PDYN: variants seen among roughly 807,000 people sequenced by gnomAD.
The protein encoded by PDYN is prodynorphin, also known as proenkephalin-B.
Under a neutral mutation model 11.4 loss-of-function variants are expected in PDYN, and 5 were observed. That is an observed-to-expected ratio of 0.44 (90% CI 0.23 to 0.92). The LOEUF is 0.92. Ranked by LOEUF, PDYN falls within the 40% of genes least tolerant of loss-of-function variation. PDYN has a pLI of 0.24. For missense variants in PDYN, 337 were observed against 317.3 expected (o/e 1.06, Z -0.47); for synonymous variants, 132 against 129.5 (o/e 1.02, Z -0.13).
chr20:1,989,270 C>T (rs1257499514), intron 2 of PDYN, among the ~76,000 whole-genome samples: 2 of 152,150 alleles, frequency 1.3e-5, no homozygotes, highest in African/African-American at 4.8e-5. Context: ...CAGCCCTGAG[C>T]CCTTTCTAGT....
At chr20:1,983,185 A>G in intron 2 of PDYN, 82 bp from the exon 3 acceptor site, 3 of 1,206,838 alleles carry the variant, frequency 2.5e-6, no homozygotes, top group Non-Finnish European at 3.5e-6. Context: ...AGTCATCTCT[A>G]ACTCCTGCCC....
At chr20:1,981,633 A>G (rs1987799926) in intron 3 of PDYN, among the ~76,000 whole-genome samples, 1 of 152,184 alleles carries the variant, frequency 6.6e-6, no homozygotes, top group Non-Finnish European at 1.5e-5. Context: ...TATGTATTAA[A>G]TAACTTCTTT....
chr20:1,983,617 C>T (rs1568540208), intron 2 of PDYN, among the ~76,000 whole-genome samples: 1 of 152,216 alleles, frequency 6.6e-6, no homozygotes, highest in Non-Finnish European at 1.5e-5. Context: ...GAATTTTTCT[C>T]TCCCACTCTG....
chr20:1,981,570 A>G (rs1202153736), intron 3 of PDYN, among the ~76,000 whole-genome samples: 2 of 152,114 alleles, frequency 1.3e-5, no homozygotes, highest in African/African-American at 4.8e-5. Context: ...GCTCTTTGAG[A>G]TTGGGCACGG....
intron 3 of PDYN, among the ~76,000 whole-genome samples, chr20:1,981,663 T>C (rs1987802768): frequency 6.6e-6 from 1 of 152,132 alleles, no homozygotes. Context: ...CAGTGGCTCA[T>C]GCCTGTAATC....
In PDYN at chr20:1,994,022, G is replaced by A. The variant is rs1988561482; in HGVS notation, c.-191C>T. The A allele has an allele frequency of 6.5e-6, 1 of 153,454 alleles. No individual in the cohort carries two copies. Among genetic ancestry groups the A allele is most frequent in the Non-Finnish European group, 1.5e-5 (1 of 68,234 alleles). The allele number at this position is 153,454 out of a possible 1,614,324, so 9.5% of individuals were successfully genotyped here. The stretch of plus-strand genomic sequence containing the variant: ...CTCCGGCTTGGGAGGAGGTGCCAAA[G>A]AGGCAGCTGTGAACACCACCAAAGC... On this transcript the variant is annotated 5_prime_UTR_variant, in exon 1 of 4. Coordinates refer to ENST00000217305, the MANE Select transcript of PDYN (RefSeq NM_024411.5).
chr20:1,993,291 C>T (rs75831039), intron 1 of PDYN, among the ~76,000 whole-genome samples: 4,854 of 152,158 alleles, frequency 0.032, 274 homozygotes, highest in African/African-American at 0.11. Flanking sequence ...TGTTGTCACT[C>T]CCTTTTCCCA....
intron 3 of PDYN, among the ~76,000 whole-genome samples, chr20:1,982,468 CT>C (rs1987880380): frequency 6.6e-6 from 1 of 152,028 alleles, no homozygotes; most frequent in Non-Finnish European, 1.5e-5. Flanking sequence ...GGGAACTTAA[CT>C]CAAAGGAAAG....
chr20:1,988,891 G>A (rs1378483581), intron 2 of PDYN, among the ~76,000 whole-genome samples: 1 of 152,114 alleles, frequency 6.6e-6, no homozygotes, highest in African/African-American at 2.4e-5. Context: ...CACCTTGTTG[G>A]CTCTGCCTCC....
At chr20:1,982,333 G>A (rs1987871064) in intron 3 of PDYN, among the ~76,000 whole-genome samples, 1 of 152,164 alleles carries the variant, frequency 6.6e-6, no homozygotes, top group Non-Finnish European at 1.5e-5. Context: ...TGAAGAAACC[G>A]AGGCTTAGAG....
In PDYN at chr20:1,980,739, T is replaced by C. The variant is rs144485788; in HGVS notation, c.349A>G (p.Thr117Ala). Residue 117 changes from threonine to alanine, a missense_variant, in exon 4 of 4, where the codon ACA (threonine) becomes GCA (alanine). By Grantham distance (58) the Thr-to-Ala change is moderately conservative. Coordinates refer to ENST00000217305, the MANE Select transcript of PDYN (RefSeq NM_024411.5). ...EKSKFLPSIS[T>A]KENTLSKSLE... ...CTCTTGCTCAGAGTGTTCTCCTTTGTTGAGATACTTGGGAGAAACTTGCTT... is the reference window on the plus strand; with the variant it reads ...CTCTTGCTCAGAGTGTTCTCCTTTGCTGAGATACTTGGGAGAAACTTGCTT... The C allele has an allele frequency of 1.9e-6, 3 of 1,614,080 alleles. No homozygotes were observed. The African/African-American group carries it at 4.0e-5, about 22-fold the overall frequency.
At chr20:1,987,248 G>GATGAATGA (rs3039804) in intron 2 of PDYN, among the ~76,000 whole-genome samples, 11 of 151,496 alleles carry the variant, frequency 7.3e-5, no homozygotes, top group African/African-American at 2.2e-4. Context: ...TTGAGTGATT[G>GATGAATGA]ATGAATGAAT....
chr20:1,990,489 TG>T (rs1277197887), intron 2 of PDYN, among the ~76,000 whole-genome samples: 1 of 152,134 alleles, frequency 6.6e-6, no homozygotes, highest in Non-Finnish European at 1.5e-5. Flanking sequence ...GAAAGACGAA[TG>T]ATCAATGGGA....
intron 2 of PDYN, among the ~76,000 whole-genome samples, chr20:1,985,202 C>T (rs1988106079): frequency 6.6e-6 from 1 of 152,134 alleles, no homozygotes; most frequent in Non-Finnish European, 1.5e-5. Context: ...GGCCCCAGAA[C>T]CCCACGCTGT....
intron 2 of PDYN, among the ~76,000 whole-genome samples, chr20:1,991,956 T>C (rs1988467440): frequency 6.6e-6 from 1 of 152,086 alleles, no homozygotes; most frequent in Non-Finnish European, 1.5e-5. Flanking sequence ...CTCCTGGACA[T>C]AGCACACAGC....
rs532460267 is a variant in PDYN, at chr20:1,982,095, A to G, written c.129+861T>C. On this transcript the variant is annotated intron_variant, in intron 3 of 3. Transcript: ENST00000217305. ...AGCATGGTGAAACCCCGTCTCTACT[A>G]AAAATACAAAAATTAGCCGGGTGTG... 1.6e-3 allele frequency among the ~76,000 whole-genome samples: 237 copies of G among 151,680 alleles called. 2 individuals carry two copies. The highest frequency in any genetic ancestry group is 5.6e-3 in the African/African-American group (231 of 41,294).
chr20:1,980,430 A>C lies in PDYN; in HGVS notation c.658T>G (p.Trp220Gly). ...FLRRIRPKLK[W>G]DNQKRYGGFL... Reference sequence around the variant, plus strand: ...CCGCCATAGCGCTTCTGGTTGTCCCACTTGAGCTTGGGACGAATGCGCCGC... The same window carrying C: ...CCGCCATAGCGCTTCTGGTTGTCCCCCTTGAGCTTGGGACGAATGCGCCGC... The change falls in exon 4 of 4, where the codon TGG (tryptophan) becomes GGG (glycine). Residue 220 changes from tryptophan to glycine, a missense_variant. Physicochemically the swap from Trp to Gly is radical, Grantham distance 184 (BLOSUM62 -2). Coordinates refer to ENST00000217305, the MANE Select transcript of PDYN (RefSeq NM_024411.5). The C allele has an allele frequency of 6.2e-7, 1 of 1,613,704 alleles. No individual in the cohort carries two copies. Among genetic ancestry groups the C allele is most frequent in the Non-Finnish European group, 8.5e-7 (1 of 1,179,768 alleles).
chr20:1,981,974 G>A (rs1987839209), intron 3 of PDYN, among the ~76,000 whole-genome samples: 1 of 126,380 alleles, frequency 7.9e-6, no homozygotes, highest in Non-Finnish European at 1.6e-5. Context: ...AATAACTTCT[G>A]GCATGGGCTT....
intron 2 of PDYN, among the ~76,000 whole-genome samples, chr20:1,989,792 C>G (rs1988352488): frequency 6.6e-6 from 1 of 152,300 alleles, no homozygotes; most frequent in Admixed American, 6.5e-5. Flanking sequence ...CTCCAGCCTC[C>G]CACACCTGAA....
Sources: allele counts gnomAD v4.1 joint callset (sites outside exome capture counted in the v4.1 genomes callset), GRCh38; gene constraint gnomAD v4.1.1; transcripts MANE v1.5; gene names NCBI Gene and HGNC (gene_info 2026-07-23, HGNC 2026-07-21).